The following FAAP20 variants were observed in gnomAD, a reference collection of about 807,000 sequenced individuals.
The protein encoded by FAAP20 is FA core complex associated protein 20.
Under a neutral mutation model 16.2 loss-of-function variants are expected in FAAP20, and 12 were observed. That is an observed-to-expected ratio of 0.74 (90% CI 0.48 to 1.20). The LOEUF (loss-of-function observed/expected upper bound fraction) is 1.20, where lower values mean the gene tolerates loss of function less well. FAAP20 is among the 50% of genes most tolerant of loss of function. The pLI, the probability that FAAP20 is intolerant of heterozygous loss-of-function variation, is 0.00. For synonymous variants in FAAP20, 141 were observed against 110.7 expected (o/e 1.27, Z -1.72); for missense variants, 288 against 245.8 (o/e 1.17, Z -1.15).
rs567561458 is a variant in FAAP20 at position 2,207,004 on chromosome 1, G to A, written n.179-337C>T. 5.9e-5 allele frequency among the ~76,000 whole-genome samples: 9 copies of A among 152,290 alleles called. No individual in the cohort carries two copies. The East Asian group carries it at 1.7e-3, about 29-fold the overall frequency. On this transcript the variant is annotated intron_variant and non_coding_transcript_variant, in intron 1 of 7. Transcript: ENST00000469733. ...TGCCCAGGGACAAACCCGAAAACAC[G>A]GCAAGGTCAGGGGAGGAGGGCACTG...
chr1:2,194,007 G>A lies in FAAP20; in HGVS notation c.189C>T (p.Phe63=), dbSNP rs1351323897. 2 of 1,612,812 alleles carry A rather than the reference G, an allele frequency of 1.2e-6. No homozygotes were observed. The highest frequency in any genetic ancestry group is 1.3e-5 in the African/African-American group (1 of 75,052). Residue 63 remains phenylalanine (F), a synonymous_variant, in exon 2 of 4, where the codon TTC becomes TTT. Coordinates refer to ENST00000378546, the MANE Select transcript of FAAP20 (RefSeq NM_182533.4). ...LDHEVPSLPA[F]PGQEPRCGPE... The stretch of plus-strand genomic sequence containing the variant: ...GGCCCAGTGGGCACACCTGTCCTGG[G>A]AAGGCGGGCAGTGAAGGCACCTCGT...
At chr1:2,200,267 C>A (rs1688996247), upstream of FAAP20, 1 of 151,880 alleles carries the variant, frequency 6.6e-6, no homozygotes. Context: ...TGGTGGTGGG[C>A]ACCTGTAATC....
At chr1:2,194,780 A>AGCCCCGCCCCCGCCCCTCCAG (rs974191866), upstream of FAAP20, 47 of 1,148,274 alleles carry the variant, frequency 4.1e-5, no homozygotes, top group Admixed American at 4.8e-5. Flanking sequence ...AGTGAGCGCA[A>AGCCCCGCCCCCGCCCCTCCAG]GCCCCGCCCC....
chr1:2,193,107 C>CG, intron 3 of FAAP20: 1 of 962,394 alleles, frequency 1.0e-6, no homozygotes, highest in Non-Finnish European at 1.4e-6. Flanking sequence ...GGACCTGCTC[C>CG]GGAGGCCAAG....
chr1:2,190,964 CA>C (rs1238205784), intron 3 of FAAP20: 1 of 155,356 alleles, frequency 6.4e-6, no homozygotes, highest in Non-Finnish European at 1.4e-5. Context: ...CTCTCCAGAC[CA>C]TAGCTGGACC....
At chr1:2,205,650 G>A (rs1044558955) in intron 3 of FAAP20, among the ~76,000 whole-genome samples, 5 of 152,204 alleles carry the variant, frequency 3.3e-5, no homozygotes, top group African/African-American at 1.2e-4. Flanking sequence ...GACGCCACAT[G>A]CAAGCCACGA....
At chr1:2,195,336 G>A (rs957153879), upstream of FAAP20, among the ~76,000 whole-genome samples, 1 of 152,224 alleles carries the variant, frequency 6.6e-6, no homozygotes, top group Admixed American at 6.5e-5. Context: ...CCCGGGCTCT[G>A]CGACCTCAAA....
At chr1:2,198,694 A>C (rs750537377), upstream of FAAP20, 128 of 1,251,060 alleles carry the variant, frequency 1.0e-4, no homozygotes, top group Non-Finnish European at 1.3e-4. Context: ...GGCTGCCTCC[A>C]CCCCTTCCCA....
intron 3 of FAAP20, chr1:2,192,940 C>T (rs1688405775): frequency 1.5e-6 from 2 of 1,303,956 alleles, no homozygotes; most frequent in South Asian, 2.5e-5. Context: ...CAACTTTGGA[C>T]TCCGGTGCCT....
upstream of FAAP20, chr1:2,199,131 GGA>G: frequency 5.1e-6 from 6 of 1,184,764 alleles, no homozygotes; most frequent in Non-Finnish European, 6.4e-6. The surrounding 1 kb of genome is among the most constrained non-coding windows in gnomAD (Gnocchi z 4.5). Context: ...CCCTGGCCCG[GGA>G]GAGACAGCGG....
downstream of FAAP20, among the ~76,000 whole-genome samples, chr1:2,211,403 A>T (rs1253157235): frequency 2.0e-4 from 1 of 4,990 alleles, no homozygotes; most frequent in Admixed American, 3.1e-3. Context: ...CTAATTTTAT[A>T]TATATATATA....
chr1:2,185,076 A>G (rs977900784), downstream of FAAP20: 46 of 1,430,792 alleles, frequency 3.2e-5, no homozygotes, highest in Non-Finnish European at 4.3e-5. Context: ...ACCACCGCAT[A>G]TGCATGCCAG....
chr1:2,189,884 G>A (rs1009096792), intron 3 of FAAP20, 103 bp from the exon 4 acceptor site: 9 of 916,764 alleles, frequency 9.8e-6, no homozygotes, highest in Non-Finnish European at 1.4e-5. Flanking sequence ...CCGCTGGAGA[G>A]GATCCGGCTG....
downstream of FAAP20, chr1:2,184,739 G>A: frequency 6.4e-7 from 1 of 1,570,982 alleles, no homozygotes; most frequent in South Asian, 1.1e-5. Context: ...CACCCCTCGG[G>A]CAGCCCCATG....
At chr1:2,198,501 G>T, upstream of FAAP20, 2 of 451,378 alleles carry the variant, frequency 4.4e-6, no homozygotes, top group Non-Finnish European at 7.3e-6. Flanking sequence ...CCAGCCACTG[G>T]CATCCTCAGA....
chr1:2,196,456 G>C (rs1688828317), upstream of FAAP20, among the ~76,000 whole-genome samples: 1 of 151,970 alleles, frequency 6.6e-6, no homozygotes, highest in South Asian at 2.1e-4. This position sits in a 1 kb window ranked among gnomAD's most constrained non-coding sequence, Gnocchi z 4.5. Flanking sequence ...TACTTGGGTG[G>C]CTAAGGTGGG....
Position 2,193,784 on chromosome 1 carries a change from C to T in FAAP20, c.325G>A (p.Gly109Arg), listed in dbSNP as rs748490576. 12 of 1,602,982 alleles carry T rather than the reference C, an allele frequency of 7.5e-6. No individual in the cohort carries two copies. The highest frequency in any genetic ancestry group is 2.2e-5 in the South Asian group (2 of 90,318). ...RSYRLLHGAG[G>R]HLESPARSLP... ...GACCTGGCGGGGGATTCCAGGTGCC[C>T]TCCTGCCCCGTGAAGCAGCCGGTAG... Residue 109 changes from glycine to arginine, a missense_variant, in exon 3 of 4, where the codon GGG (glycine) becomes AGG (arginine). Gly to Arg is a moderately radical substitution (Grantham distance 125). Transcript: ENST00000378546.
At chr1:2,206,828 C>G (rs1342714289) in intron 1 of FAAP20, among the ~76,000 whole-genome samples, 2 of 117,544 alleles carry the variant, frequency 1.7e-5, no homozygotes, top group African/African-American at 6.1e-5. Context: ...GCGAGACTGT[C>G]TCAAAAAAAA....
chr1:2,209,238 G>T (rs1335593115), downstream of FAAP20, among the ~76,000 whole-genome samples: 1 of 152,118 alleles, frequency 6.6e-6, no homozygotes, highest in Non-Finnish European at 1.5e-5. Context: ...TGCGCTGCTG[G>T]CCCCCGCCCC....
Sources: gnomAD v4.1 joint callset for allele counts (sites outside exome capture counted in the v4.1 genomes callset) on GRCh38, gnomAD v4.1.1 for gene constraint, Gnocchi (gnomAD v3.1) non-coding constraint, MANE v1.5 for transcripts, NCBI Gene and HGNC (gene_info 2026-07-23, HGNC 2026-07-21) for gene names.